ANKRD11: variants seen among roughly 807,000 people sequenced by gnomAD.
ANKRD11 encodes ankyrin repeat domain 11.
In ANKRD11, 17 loss-of-function variants were observed where a neutral mutation model predicts 195.7. The ratio of observed to expected loss-of-function variants is 0.09; its 90% CI spans 0.06 to 0.13. The LOEUF (loss-of-function observed/expected upper bound fraction) is 0.13, where lower values mean the gene tolerates loss of function less well. Among genes scored for constraint, ANKRD11 ranks in the 10% least tolerant of loss-of-function variants. The pLI, the probability that ANKRD11 is intolerant of heterozygous loss-of-function variation, is 1.00. For synonymous variants in ANKRD11, 1,953 were observed against 1,528.1 expected (o/e 1.28, Z -6.49); for missense variants, 3,735 against 3,566.1 (o/e 1.05, Z -1.21).
chr16:89,349,594 T>C (rs907866317), intron 2 of ANKRD11, among the ~76,000 whole-genome samples: 2 of 152,176 alleles, frequency 1.3e-5, no homozygotes, highest in African/African-American at 4.8e-5. Flanking sequence ...AATAATTGAA[T>C]ATCCTCATGC....
intron 2 of ANKRD11, among the ~76,000 whole-genome samples, chr16:89,399,615 T>C (rs1024452022): frequency 3.9e-5 from 6 of 152,046 alleles, no homozygotes; most frequent in African/African-American, 1.4e-4. Flanking sequence ...CATCCAACCA[T>C]AGACTGCACA....
chr16:89,343,628 A>G (rs554010380), intron 2 of ANKRD11: 1 of 152,256 alleles, frequency 6.6e-6, no homozygotes, highest in Admixed American at 6.5e-5. Context: ...GTCAGAAAAC[A>G]CAAGGCAGCA....
In ANKRD11 at chr16:89,283,847, C is replaced by T. The variant is rs1423885373; in HGVS notation, c.2695G>A (p.Asp899Asn). The change falls in exon 9 of 13, where the codon GAC becomes AAC. Residue 899 changes from aspartate (D) to asparagine (N), a missense_variant. Coordinates refer to ENST00000301030, the MANE Select transcript of ANKRD11 (RefSeq NM_013275.6). The surrounding 1 kb of genome is among the most constrained non-coding windows in gnomAD (Gnocchi z 4.3). ...RRDSRAREKR[D>N]YREPFFRKKD... is the part of the protein sequence containing the mutation. ...TTTCGGAAGAAGGGCTCTCTGTAGT[C>T]TCGCTTCTCCCGGGCCCGGCTGTCC... The T allele has an allele frequency of 1.9e-6, 3 of 1,614,020 alleles. No individual in the cohort carries two copies. In the Admixed American group the frequency reaches 5.0e-5, roughly 27 times the overall value.
At chr16:89,436,530 G>A (rs371048394) in intron 1 of ANKRD11, among the ~76,000 whole-genome samples, 43 of 152,254 alleles carry the variant, frequency 2.8e-4, no homozygotes, top group African/African-American at 7.9e-4. Context: ...CTCAAGCGAC[G>A]TCTGCCTTGG....
intron 3 of ANKRD11, among the ~76,000 whole-genome samples, chr16:89,315,307 G>C (rs143020136): frequency 6.6e-6 from 1 of 152,148 alleles, no homozygotes; most frequent in African/African-American, 2.4e-5. Context: ...CCAACCCCAC[G>C]AGATGAGGAA....
chr16:89,361,841 A>C (rs1364008788), intron 2 of ANKRD11, among the ~76,000 whole-genome samples: 1 of 152,188 alleles, frequency 6.6e-6, no homozygotes, highest in Non-Finnish European at 1.5e-5. Context: ...AAAACAAAAC[A>C]AACAAAAAAA....
intron 7 of ANKRD11, chr16:89,288,285 G>A: frequency 3.0e-6 from 2 of 669,500 alleles, no homozygotes; most frequent in South Asian, 3.4e-5. Context: ...TACACGGCTA[G>A]CGGATACGAG....
chr16:89,310,274 C>G (rs141379481), intron 3 of ANKRD11, among the ~76,000 whole-genome samples: 16 of 152,212 alleles, frequency 1.1e-4, no homozygotes, highest in African/African-American at 3.6e-4. Flanking sequence ...TGCCTGTGAG[C>G]TCTCTTCTGT....
At chr16:89,392,972 C>G (rs2041263878) in intron 2 of ANKRD11, among the ~76,000 whole-genome samples, 1 of 151,888 alleles carries the variant, frequency 6.6e-6, no homozygotes, top group South Asian at 2.1e-4. Flanking sequence ...TTTCTGTTTC[C>G]CCAAAAATTC....
chr16:89,475,404 C>A (rs971724989), intron 1 of ANKRD11, among the ~76,000 whole-genome samples: 2 of 151,968 alleles, frequency 1.3e-5, no homozygotes, highest in Non-Finnish European at 2.9e-5. Context: ...CCGTAACCCA[C>A]CACGCTGCAC....
At chr16:89,324,330 G>A (rs928229121) in intron 2 of ANKRD11, 8 of 1,211,500 alleles carry the variant, frequency 6.6e-6, no homozygotes, top group African/African-American at 3.1e-5. Context: ...CAGTCGGGGC[G>A]ACGTGGGTGC....
intron 1 of ANKRD11, among the ~76,000 whole-genome samples, chr16:89,473,692 T>A (rs2057163671): frequency 6.6e-6 from 1 of 152,112 alleles, no homozygotes; most frequent in Admixed American, 6.6e-5. Flanking sequence ...GACTGACATG[T>A]CAGTATCCAG....
intron 3 of ANKRD11, among the ~76,000 whole-genome samples, chr16:89,311,530 T>C (rs759436598): frequency 1.3e-5 from 2 of 152,100 alleles, no homozygotes; most frequent in African/African-American, 2.4e-5. Context: ...TCACACCACA[T>C]ACAAAACATG....
intron 2 of ANKRD11, among the ~76,000 whole-genome samples, chr16:89,373,980 GA>G (rs1251076190): frequency 6.6e-6 from 1 of 152,246 alleles, no homozygotes; most frequent in Admixed American, 6.5e-5. Flanking sequence ...GACATCTCCA[GA>G]AGGGTCTGAC....
intron 11 of ANKRD11, chr16:89,273,104 G>C (rs1326580798): frequency 6.6e-6 from 1 of 151,510 alleles, no homozygotes; most frequent in Admixed American, 6.6e-5. Context: ...AGCACAATAG[G>C]GTAACTGTAG....
At chr16:89,373,382 A>C (rs2040278092) in intron 2 of ANKRD11, 1 of 152,354 alleles carries the variant, frequency 6.6e-6, no homozygotes, top group African/African-American at 2.4e-5. Flanking sequence ...CTCAATTCCA[A>C]AACACACGCC....
intron 7 of ANKRD11, chr16:89,288,109 T>C (rs2034779485): frequency 3.4e-6 from 2 of 587,308 alleles, no homozygotes; most frequent in South Asian, 2.1e-5. Context: ...CTTGAGTCTA[T>C]GGTTCTGTGC....
At chr16:89,403,458 G>A (rs1420589837) in intron 2 of ANKRD11, among the ~76,000 whole-genome samples, 1 of 152,040 alleles carries the variant, frequency 6.6e-6, no homozygotes, top group Admixed American at 6.5e-5. Context: ...CTCAGTAAGC[G>A]AGGCCCCGCG....
chr16:89,366,795 A>T (rs1437023714), intron 2 of ANKRD11, among the ~76,000 whole-genome samples: 1 of 152,236 alleles, frequency 6.6e-6, no homozygotes, highest in East Asian at 1.9e-4. Flanking sequence ...GGGGGCACCC[A>T]GGGCAGGGGT....
Sources: allele counts gnomAD v4.1 joint callset (sites outside exome capture counted in the v4.1 genomes callset), GRCh38; gene constraint gnomAD v4.1.1; non-coding constraint Gnocchi (gnomAD v3.1); transcripts MANE v1.5; gene names NCBI Gene and HGNC (gene_info 2026-07-23, HGNC 2026-07-21).